INSR: variants seen among roughly 807,000 people sequenced by gnomAD.
INSR encodes IR.
In INSR, 67 loss-of-function variants were observed where a neutral mutation model predicts 142.6. The observed-to-expected ratio is 0.47, with a 90% CI of 0.39 to 0.58. The LOEUF (loss-of-function observed/expected upper bound fraction) is 0.58, where lower values mean the gene tolerates loss of function less well. Ranked by LOEUF, INSR falls within the 20% of genes least tolerant of loss-of-function variation. The probability of loss-of-function intolerance (pLI) is 0.00; values close to 1 mark genes in which losing one functional copy is unlikely to be tolerated. For synonymous variants in INSR, 756 were observed against 743.1 expected, an observed-to-expected ratio of 1.02 and a Z score of -0.28; for missense variants, 1,248 against 1,833.2, an observed-to-expected ratio of 0.68 and a Z score of 5.83.
chr19:7,162,076 C>T (rs1026455598), intron 9 of INSR, among the ~76,000 whole-genome samples: 1 of 152,006 alleles, frequency 6.6e-6, no homozygotes, highest in Non-Finnish European at 1.5e-5. Context: ...CCTGTAATCA[C>T]AGCACTTTGG....
intron 2 of INSR, among the ~76,000 whole-genome samples, chr19:7,228,047 C>G (rs775260834): frequency 6.6e-6 from 1 of 152,074 alleles, no homozygotes; most frequent in Non-Finnish European, 1.5e-5. Flanking sequence ...CAAGAAACAG[C>G]CCCAGAGGGC....
intron 9 of INSR, among the ~76,000 whole-genome samples, chr19:7,157,030 G>C (rs1289233737): frequency 1.3e-5 from 2 of 150,802 alleles, no homozygotes; most frequent in Non-Finnish European, 3.0e-5. Flanking sequence ...GCCCAGGCCG[G>C]ACTGCAGTGG....
chr19:7,276,927 T>G (rs1377776235), intron 1 of INSR, among the ~76,000 whole-genome samples: 1 of 152,042 alleles, frequency 6.6e-6, no homozygotes, highest in East Asian at 1.9e-4. Flanking sequence ...GACAGGGTTT[T>G]GCCAAGTTGG....
chr19:7,139,960 T>C (rs1295610798), intron 13 of INSR, among the ~76,000 whole-genome samples: 1 of 151,864 alleles, frequency 6.6e-6, no homozygotes, highest in Non-Finnish European at 1.5e-5. Flanking sequence ...GAGGAGCAGC[T>C]GGGATTATAG....
rs1973314466 is a variant in INSR at position 7,150,668 on chromosome 19, C to T, written c.2232-136G>A. 1.3e-6 allele frequency: 1 copy of T among 774,950 alleles called. No homozygotes were observed. The highest frequency in any genetic ancestry group is 2.3e-6 in the Non-Finnish European group (1 of 440,454). The allele number at this position is 774,950 out of a possible 1,614,324, so 48.0% of individuals were successfully genotyped here. A position where few individuals can be genotyped will look rare whatever the true frequency, so the allele number is the denominator to read the frequency against. ...GACCCTGGACCACTCGCTCCCATCACTTGCTAGACGGAGTGAGCTACATCT... is the reference window on the plus strand; with the variant it reads ...GACCCTGGACCACTCGCTCCCATCATTTGCTAGACGGAGTGAGCTACATCT... On this transcript the variant is annotated intron_variant, in intron 10 of 21. Transcript: ENST00000302850. The surrounding 1 kb of genome is among the most constrained non-coding windows in gnomAD (Gnocchi z 4.2).
chr19:7,267,212 C>T lies in INSR; in HGVS notation c.652+133G>A. 2.2e-6 allele frequency: 2 copies of T among 890,838 alleles called. No individual in the cohort carries two copies. 55.2% of individuals were successfully genotyped at this position (890,838 alleles called of 1,614,324 possible). A position where few individuals can be genotyped will look rare whatever the true frequency, so the allele number is the denominator to read the frequency against. On this transcript the variant is annotated intron_variant, in intron 2 of 21. Coordinates refer to ENST00000302850, the MANE Select transcript of INSR (RefSeq NM_000208.4). This position sits in a 1 kb window ranked among gnomAD's most constrained non-coding sequence, Gnocchi z 6.3. The stretch of plus-strand genomic sequence containing the variant: ...CAGAAAATGTCTGCCACTCCCTGGG[C>T]TAGTGAATGCCACCACCCACTATTC...
chr19:7,233,407 C>T lies in INSR; in HGVS notation c.652+33938G>A, dbSNP rs571678011. ...CAGGTTAAGCCTGGTTCCAAACCAT[C>T]GTACTATGCTGTGTGGCCTGGCATG... On this transcript the variant is annotated intron_variant, in intron 2 of 21. Transcript: ENST00000302850. 3.9e-5 allele frequency among the ~76,000 whole-genome samples: 6 copies of T among 152,260 alleles called. No individual in the cohort carries two copies. In the East Asian group the frequency reaches 7.7e-4, roughly 20 times the overall value.
chr19:7,266,866 A>G (rs535743615), intron 2 of INSR, among the ~76,000 whole-genome samples: 16 of 152,134 alleles, frequency 1.1e-4, no homozygotes, highest in Non-Finnish European at 2.1e-4. Context: ...CCAAATGTCT[A>G]TTATAAGCAA....
chr19:7,137,966 C>CTT (rs537243579), intron 13 of INSR, among the ~76,000 whole-genome samples: 7 of 133,740 alleles, frequency 5.2e-5, no homozygotes, highest in African/African-American at 1.4e-4. Flanking sequence ...TTTTCTTTTT[C>CTT]TTTTTTTTTT....
At chr19:7,179,485 C>T (rs558678963) in intron 3 of INSR, among the ~76,000 whole-genome samples, 27 of 152,350 alleles carry the variant, frequency 1.8e-4, no homozygotes, top group African/African-American at 6.0e-4. Context: ...AAAATACTGA[C>T]CAAATGTTTG....
At chr19:7,262,547 G>C (rs149286247) in intron 2 of INSR, among the ~76,000 whole-genome samples, 1 of 152,162 alleles carries the variant, frequency 6.6e-6, no homozygotes. Flanking sequence ...AGCTAGATGC[G>C]TCAACAGCAG....
intron 9 of INSR, 86 bp from the exon 10 acceptor site, chr19:7,153,013 CCACACACACACACCA>C: frequency 1.8e-6 from 1 of 545,270 alleles, no homozygotes. Flanking sequence ...CACACACACA[CCACACACACACACCA>C]CACACACACA....
At chr19:7,178,710 C>T (rs982806526) in intron 3 of INSR, among the ~76,000 whole-genome samples, 20 of 150,878 alleles carry the variant, frequency 1.3e-4, no homozygotes, top group African/African-American at 4.9e-4. Context: ...CAGAGTGAGA[C>T]TCCGTCTCAA....
chr19:7,182,677 T>C (rs1974304488), intron 3 of INSR, among the ~76,000 whole-genome samples: 1 of 152,148 alleles, frequency 6.6e-6, no homozygotes, highest in South Asian at 2.1e-4. Flanking sequence ...TCAGGGTTTC[T>C]GTTTTAGCAT....
Position 7,168,027 on chromosome 19 carries a change from C to T in INSR, c.1551G>A (p.Glu517=), listed in dbSNP as rs1365078199. 1 of 1,614,066 alleles carries T rather than the reference C, an allele frequency of 6.2e-7. No homozygotes were observed. The highest frequency in any genetic ancestry group is 2.2e-5 in the East Asian group (1 of 44,884). The part of the protein sequence containing the change: ...TSFDKILLRW[E]PYWPPDFRDL... ...CTCGGAAGTCGGGGGGCCAGTACGG[C>T]TCCCATCTCAGCAAGATCTTGTCAA... Residue 517 remains glutamate, a synonymous_variant, in exon 7 of 22, where the codon GAG becomes GAA. Transcript: ENST00000302850. This position sits in a 1 kb window ranked among gnomAD's most constrained non-coding sequence, Gnocchi z 4.3.
At chr19:7,226,446 C>A (rs1313809762) in intron 2 of INSR, among the ~76,000 whole-genome samples, 4 of 144,642 alleles carry the variant, frequency 2.8e-5, no homozygotes, top group Non-Finnish European at 6.0e-5. Context: ...ACTCTAAGTA[C>A]CAACTGCAGT....
rs1974616197 is a variant in INSR at position 7,192,187 on chromosome 19, AAAAAG to A, written c.653-7555_653-7551del. Among the ~76,000 whole-genome samples the A allele has an allele frequency of 6.7e-6, 1 of 150,070 alleles. No homozygotes were observed. Among genetic ancestry groups the A allele is most frequent in the Admixed American group, 6.7e-5 (1 of 14,988 alleles). ...AAAAGAAAGACAGAGAAAGAAAAGA[AAAAAG>A]AAAGAAAAAGAAAGAAAGGAGAAAG... On this transcript the variant is annotated intron_variant, in intron 2 of 21. Transcript: ENST00000302850. This position sits in a 1 kb window ranked among gnomAD's most constrained non-coding sequence, Gnocchi z 4.2.
intron 3 of INSR, among the ~76,000 whole-genome samples, chr19:7,181,306 G>C (rs1429371273): frequency 6.6e-6 from 1 of 152,142 alleles, no homozygotes; most frequent in Non-Finnish European, 1.5e-5. Flanking sequence ...GATTGTTCAA[G>C]GGGACTGGGT....
intron 2 of INSR, among the ~76,000 whole-genome samples, chr19:7,226,728 C>CAAAAAA (rs71177177): frequency 0.34 from 38,425 of 111,858 alleles, 7,270 homozygotes; most frequent in East Asian, 0.43. Context: ...ACCCTGTTTC[C>CAAAAAA]AAAAAAAAAA....
Sources: gnomAD v4.1 joint callset for allele counts (sites outside exome capture counted in the v4.1 genomes callset) on GRCh38, gnomAD v4.1.1 for gene constraint, Gnocchi (gnomAD v3.1) non-coding constraint, MANE v1.5 for transcripts, NCBI Gene and HGNC (gene_info 2026-07-23, HGNC 2026-07-21) for gene names.